Variants in CDK8 observed in about 807,000 individuals in gnomAD.
CDK8 encodes the protein cyclin dependent kinase 8, also known as cyclin-dependent kinase 8.
CDK8 carries 29 observed loss-of-function variants against 71.5 expected under a neutral mutation model. The observed-to-expected ratio is 0.41, with a 90% CI of 0.30 to 0.55. The LOEUF (loss-of-function observed/expected upper bound fraction) is 0.55. Ranked by LOEUF, CDK8 falls within the 20% of genes least tolerant of loss-of-function variation. CDK8 has a pLI of 0.37. For missense variants in CDK8, 288 were observed against 572.6 expected, an observed-to-expected ratio of 0.50 and a Z score of 5.07; for synonymous variants, 161 against 192.1, an observed-to-expected ratio of 0.84 and a Z score of 1.34.
In CDK8 at chr13:26,404,907, A is replaced by G. The variant is rs1325287124; in HGVS notation, c.*826A>G. 5.7e-5 allele frequency: 12 copies of G among 210,080 alleles called. No individual in the cohort carries two copies. The highest frequency in any genetic ancestry group is 1.1e-4 in the Non-Finnish European group (11 of 103,498). The allele number at this position is 210,080 out of a possible 1,614,324, so 13.0% of individuals were successfully genotyped here. On this transcript the variant is annotated 3_prime_UTR_variant, in exon 13 of 13. Coordinates refer to ENST00000381527, the MANE Select transcript of CDK8 (RefSeq NM_001260.3). ...TGTGAGCATGCTTTAAGATGAAAAA[A>G]GCATGAATGATAACTTCCTTAAAAA...
chr13:26,320,326 G>A (rs1238440303), intron 1 of CDK8, among the ~76,000 whole-genome samples: 5 of 151,910 alleles, frequency 3.3e-5, no homozygotes, highest in African/African-American at 4.8e-5. Flanking sequence ...CGGGAGGATC[G>A]CTTGAGCACA....
intron 9 of CDK8, among the ~76,000 whole-genome samples, chr13:26,399,852 C>T (rs900363258): frequency 2.0e-5 from 3 of 152,190 alleles, no homozygotes; most frequent in Admixed American, 2.0e-4. Flanking sequence ...ATGGAGCAGT[C>T]GACTTTCAGA....
At chr13:26,343,229 A>G (rs1565979657) in intron 2 of CDK8, among the ~76,000 whole-genome samples, 1 of 152,196 alleles carries the variant, frequency 6.6e-6, no homozygotes. Context: ...GGTAGAACCT[A>G]AACACACCAG....
chr13:26,360,898 A>T lies in CDK8; in HGVS notation c.456+7018A>T, dbSNP rs537006192. 5.3e-5 allele frequency among the ~76,000 whole-genome samples: 8 copies of T among 152,218 alleles called. No homozygotes were observed. In the South Asian group the frequency reaches 1.7e-3, roughly 32 times the overall value. ...CTTCCCCCCATCCGTCTGCATTTTA[A>T]ATCCTTTCAGCTGCTTCCCTCTTAC... is the stretch of plus-strand genomic sequence containing the variant. On this transcript the variant is annotated intron_variant, in intron 4 of 12. Transcript: ENST00000381527.
At chr13:26,386,996 A>C (rs1875509409) in intron 6 of CDK8, among the ~76,000 whole-genome samples, 1 of 151,994 alleles carries the variant, frequency 6.6e-6, no homozygotes, top group Non-Finnish European at 1.5e-5. Context: ...TTCCTCCTCA[A>C]TGTTTTCTGT....
chr13:26,264,265 C>CT (rs147202437), intron 1 of CDK8, among the ~76,000 whole-genome samples: 16,343 of 151,544 alleles, frequency 0.11, 2,587 homozygotes, highest in African/African-American at 0.35. Flanking sequence ...AGCTGCCGTT[C>CT]TTTTTTTTCT....
At chr13:26,395,479 C>T (rs1412772516) in intron 7 of CDK8, among the ~76,000 whole-genome samples, 4 of 145,826 alleles carry the variant, frequency 2.7e-5, no homozygotes, top group Non-Finnish European at 5.9e-5. Context: ...AAGAGCGAAA[C>T]TCCGTCTCAA....
Position 26,404,203 on chromosome 13 carries a change from A to ATTTTGAAGCCAAT in CDK8, c.*122_*123insTTTTGAAGCCAAT. On this transcript the variant is annotated 3_prime_UTR_variant, in exon 13 of 13. Transcript: ENST00000381527. ...GTACAACCACATCTTCAAAATGTCC[A>ATTTTGAAGCCAAT]GTAGCCAAGTTCCACCACTTTTCAC... 1 of 1,157,764 alleles carries ATTTTGAAGCCAAT rather than the reference A, an allele frequency of 8.6e-7. No individual in the cohort carries two copies. The highest frequency in any genetic ancestry group is 1.2e-6 in the Non-Finnish European group (1 of 831,578). The allele number at this position is 1,157,764 out of a possible 1,614,324, so 71.7% of individuals were successfully genotyped here.
At chr13:26,287,983 G>A (rs1025561139) in intron 1 of CDK8, among the ~76,000 whole-genome samples, 1 of 152,114 alleles carries the variant, frequency 6.6e-6, no homozygotes, top group Middle Eastern at 3.4e-3. Flanking sequence ...TATTTTTTTA[G>A]ATGGAGTCTC....
intron 1 of CDK8, among the ~76,000 whole-genome samples, chr13:26,293,990 T>A (rs188560617): frequency 2.6e-4 from 39 of 152,344 alleles, no homozygotes; most frequent in African/African-American, 8.7e-4. Context: ...TCCACATTTT[T>A]AAATTCTACA....
intron 2 of CDK8, among the ~76,000 whole-genome samples, chr13:26,343,561 G>A (rs1295813419): frequency 6.6e-6 from 1 of 152,018 alleles, no homozygotes; most frequent in Non-Finnish European, 1.5e-5. Flanking sequence ...GATAAAAAAT[G>A]GTACACCTGT....
intron 4 of CDK8, among the ~76,000 whole-genome samples, chr13:26,376,324 T>TC (rs1874948955): frequency 6.6e-6 from 1 of 152,218 alleles, no homozygotes; most frequent in East Asian, 1.9e-4. Context: ...GCATTTGGTC[T>TC]CCTTGATGTT....
At position 26,401,121 on chromosome 13, in the gene CDK8, G is replaced by A. The variant is rs779319326; in HGVS notation, c.1032-148G>A. ...ATTACTAGTTACAAAGAAAAGATTC[G>A]TTTTGTCACAGTTACATGAAAGGTG... On this transcript the variant is annotated intron_variant, in intron 10 of 12. Coordinates refer to ENST00000381527, the MANE Select transcript of CDK8 (RefSeq NM_001260.3). The surrounding 1 kb of genome is among the most constrained non-coding windows in gnomAD (Gnocchi z 4.5). The A allele has an allele frequency of 2.2e-5, 14 of 645,408 alleles. No homozygotes were observed. The highest frequency in any genetic ancestry group is 3.7e-5 in the African/African-American group (2 of 54,462). 40.0% of individuals were successfully genotyped at this position (645,408 alleles called of 1,614,324 possible).
chr13:26,311,627 A>G (rs1874287822), intron 1 of CDK8, among the ~76,000 whole-genome samples: 1 of 152,208 alleles, frequency 6.6e-6, no homozygotes, highest in Non-Finnish European at 1.5e-5. Flanking sequence ...TCATGGATAC[A>G]AAATAGTTAC....
chr13:26,281,612 C>T (rs1372868663), intron 1 of CDK8, among the ~76,000 whole-genome samples: 2 of 152,130 alleles, frequency 1.3e-5, no homozygotes, highest in Non-Finnish European at 2.9e-5. Context: ...ACCACACTAG[C>T]TCCCCAGCAA....
chr13:26,301,801 C>T (rs899118968), intron 1 of CDK8, among the ~76,000 whole-genome samples: 1 of 152,150 alleles, frequency 6.6e-6, no homozygotes, highest in Non-Finnish European at 1.5e-5. Context: ...GCGTCTTCAT[C>T]AAGAGACTCC....
chr13:26,318,202 C>G (rs1264688723), intron 1 of CDK8, among the ~76,000 whole-genome samples: 1 of 151,866 alleles, frequency 6.6e-6, no homozygotes, highest in Non-Finnish European at 1.5e-5. Context: ...TGAACTGGAC[C>G]AATTCCTACA....
intron 1 of CDK8, among the ~76,000 whole-genome samples, chr13:26,333,127 T>TATTA (rs1037086581): frequency 7.2e-5 from 11 of 151,880 alleles, no homozygotes; most frequent in Non-Finnish European, 8.8e-5. Context: ...TTTTTCACAA[T>TATTA]ATTAATTATA....
At chr13:26,309,065 G>T (rs1874167465) in intron 1 of CDK8, among the ~76,000 whole-genome samples, 1 of 152,056 alleles carries the variant, frequency 6.6e-6, no homozygotes, top group Non-Finnish European at 1.5e-5. Context: ...ACTTACGACA[G>T]TGCTAGGAAC....
Sources: allele counts gnomAD v4.1 joint callset (sites outside exome capture counted in the v4.1 genomes callset), GRCh38; gene constraint gnomAD v4.1.1; non-coding constraint Gnocchi (gnomAD v3.1); transcripts MANE v1.5; gene names NCBI Gene and HGNC (gene_info 2026-07-23, HGNC 2026-07-21).